Variants in SETD2 observed in about 807,000 individuals in gnomAD.
SETD2 encodes the protein SET domain containing 2, histone lysine methyltransferase, also known as histone-lysine N-methyltransferase SETD2.
SETD2 carries 31 observed loss-of-function variants against 242.1 expected under a neutral mutation model. The observed-to-expected ratio is 0.13, with a 90% confidence interval of 0.10 to 0.17. The LOEUF (loss-of-function observed/expected upper bound fraction) is 0.17, where lower values mean the gene tolerates loss of function less well. SETD2 is among the 10% of genes least tolerant of loss of function. SETD2 has a pLI of 1.00. For missense variants in SETD2, 2,481 were observed against 3,046.3 expected, an observed-to-expected ratio of 0.81 and a Z score of 4.37; for synonymous variants, 1,006 against 1,066.5, an observed-to-expected ratio of 0.94 and a Z score of 1.11.
At chr3:47,157,803 G>A (rs544360829) in intron 1 of SETD2, among the ~76,000 whole-genome samples, 7 of 151,696 alleles carry the variant, frequency 4.6e-5, no homozygotes, top group African/African-American at 1.7e-4. Context: ...AACCCAGGGG[G>A]CAGAGGTTGT....
Position 47,040,569 on chromosome 3 carries a change from A to ATTTTTTTTTT in SETD2, c.7238+1982_7238+1991dup, listed in dbSNP as rs34309892. Among the ~76,000 whole-genome samples, 82 of 91,716 alleles carry ATTTTTTTTTT rather than the reference A, an allele frequency of 8.9e-4. 3 individuals carry two copies. The highest frequency in any genetic ancestry group is 2.7e-3 in the African/African-American group (62 of 22,840). The allele number at this position is 91,716 out of a possible 152,430, so 60.2% of individuals were successfully genotyped here. ...AAAATAGATGACATGAGGGAAAAGG[A>ATTTTTTTTTT]TTTTTTTTTTTTTTTTTTTTTTGGA... On this transcript the variant is annotated intron_variant, in intron 17 of 20. Coordinates refer to ENST00000409792, the MANE Select transcript of SETD2 (RefSeq NM_014159.7).
intron 17 of SETD2, among the ~76,000 whole-genome samples, chr3:47,038,725 C>A (rs897745769): frequency 6.6e-6 from 1 of 152,066 alleles, no homozygotes; most frequent in African/African-American, 2.4e-5. Flanking sequence ...TGTTTACAGT[C>A]ATTTTGAAAA....
At chr3:47,129,037 T>C (rs1279629508) in intron 1 of SETD2, among the ~76,000 whole-genome samples, 1 of 152,116 alleles carries the variant, frequency 6.6e-6, no homozygotes, top group African/African-American at 2.4e-5. Context: ...ATGAAAAGAA[T>C]AATCCTGACA....
intron 12 of SETD2, among the ~76,000 whole-genome samples, chr3:47,078,188 T>C (rs899218630): frequency 3.9e-5 from 6 of 152,156 alleles, no homozygotes; most frequent in Non-Finnish European, 8.8e-5. Context: ...TTTTTAATTA[T>C]AAAGGGAAAA....
intron 15 of SETD2, among the ~76,000 whole-genome samples, chr3:47,052,518 T>G (rs1559667799): frequency 6.6e-6 from 1 of 152,062 alleles, no homozygotes; most frequent in African/African-American, 2.4e-5. Flanking sequence ...TCAAATGACT[T>G]AAAATTACAC....
In SETD2 at chr3:47,017,475, G is replaced by A. The variant is rs2038030819; in HGVS notation, c.7533+163C>T. On this transcript the variant is annotated intron_variant, in intron 20 of 20. Coordinates refer to ENST00000409792, the MANE Select transcript of SETD2 (RefSeq NM_014159.7). The surrounding 1 kb of genome is among the most constrained non-coding windows in gnomAD (Gnocchi z 4.8). ...TTAGAGAACTACTGCTGTCATGTAA[G>A]GTACGCATCCCTCCCCAAACCTTCC... 6.6e-6 allele frequency among the ~76,000 whole-genome samples: 1 copy of A among 152,004 alleles called. No individual in the cohort carries two copies. Among genetic ancestry groups the A allele is most frequent in the African/African-American group, 2.4e-5 (1 of 41,386 alleles).
At chr3:47,044,648 AAAC>A (rs554038464) in intron 16 of SETD2, among the ~76,000 whole-genome samples, 70 of 152,252 alleles carry the variant, frequency 4.6e-4, no homozygotes, top group African/African-American at 1.3e-3. Context: ...CTTTATCCAA[AAAC>A]AACAACACTT....
intron 18 of SETD2, among the ~76,000 whole-genome samples, chr3:47,036,574 A>C (rs761685844): frequency 5.9e-5 from 9 of 151,908 alleles, no homozygotes; most frequent in Non-Finnish European, 1.2e-4. Flanking sequence ...GAACAGACCA[A>C]TCACGAAAGC....
rs1036217503 is a variant in SETD2, at chr3:47,121,236, G to A, written c.3400C>T (p.His1134Tyr). 6.2e-7 allele frequency: 1 copy of A among 1,613,988 alleles called. No homozygotes were observed. Among genetic ancestry groups the A allele is most frequent in the Non-Finnish European group, 8.5e-7 (1 of 1,179,964 alleles). Residue 1134 changes from histidine (H) to tyrosine (Y), a missense_variant, in exon 3 of 21, where the codon CAT becomes TAT. By Grantham distance (83) the His-to-Tyr change is moderately conservative. This residue lies in a region of SETD2 where 1,300 missense variants were observed against 1,259.2 expected (regional missense o/e 1.03). Coordinates refer to ENST00000409792, the MANE Select transcript of SETD2 (RefSeq NM_014159.7). ...ACPQTDKFFLHKGTEKNPEIS... is the reference protein window; with the variant it reads ...ACPQTDKFFLYKGTEKNPEIS... The stretch of plus-strand genomic sequence containing the variant: ...TCCGGATTCTTCTCTGTTCCTTTAT[G>A]AAGGAAAAACTTATCAGTTTGAGGA...
intron 3 of SETD2, chr3:47,119,563 T>G (rs984216220): frequency 7.2e-5 from 17 of 237,370 alleles, no homozygotes; most frequent in African/African-American, 3.7e-4. Context: ...TCACACAAGA[T>G]CTGATGGGTT....
intron 17 of SETD2, among the ~76,000 whole-genome samples, chr3:47,041,810 A>T (rs2039294146): frequency 6.6e-6 from 1 of 152,198 alleles, no homozygotes; most frequent in African/African-American, 2.4e-5. Context: ...TTCTACAGTA[A>T]GCATAAATAA....
At chr3:47,127,382 C>T (rs933240658) in intron 1 of SETD2, among the ~76,000 whole-genome samples, 4 of 150,588 alleles carry the variant, frequency 2.7e-5, no homozygotes, top group Admixed American at 1.3e-4. Flanking sequence ...AGAGACGATT[C>T]GTTTTTGAAG....
intron 18 of SETD2, among the ~76,000 whole-genome samples, chr3:47,032,479 G>A (rs1206519374): frequency 6.6e-6 from 1 of 150,406 alleles, no homozygotes; most frequent in East Asian, 2.0e-4. Context: ...GTGAACCATG[G>A]CTCAAAAAAA....
At chr3:47,112,816 C>T (rs762026367) in intron 5 of SETD2, among the ~76,000 whole-genome samples, 8 of 152,172 alleles carry the variant, frequency 5.3e-5, no homozygotes, top group Non-Finnish European at 8.8e-5. Context: ...TCTCGAACTC[C>T]CGACTTCAGG....
intron 19 of SETD2, 90 bp downstream of exon 19, chr3:47,019,670 A>G (rs2038131795): frequency 9.0e-7 from 1 of 1,113,510 alleles, no homozygotes; most frequent in Non-Finnish European, 1.4e-6. Context: ...ATCTTGGGGC[A>G]AAGGAGATAT....
intron 8 of SETD2, among the ~76,000 whole-genome samples, chr3:47,100,782 G>A (rs1282507950): frequency 2.0e-5 from 3 of 151,612 alleles, no homozygotes; most frequent in Admixed American, 6.6e-5. Flanking sequence ...AGGCAGAGGC[G>A]GGCGGATCAC....
upstream of SETD2, chr3:47,164,738 G>C (rs1290078921): frequency 6.6e-6 from 1 of 152,346 alleles, no homozygotes; most frequent in African/African-American, 2.4e-5. This position sits in a 1 kb window ranked among gnomAD's most constrained non-coding sequence, Gnocchi z 5.4. Context: ...GGGATTGCTC[G>C]GAGGCCGAGC....
intron 1 of SETD2, among the ~76,000 whole-genome samples, chr3:47,147,880 T>C (rs973505285): frequency 2.6e-4 from 34 of 130,766 alleles, no homozygotes; most frequent in African/African-American, 9.2e-4. Flanking sequence ...CAAACACCAC[T>C]GCACGCCAGC....
intron 18 of SETD2, among the ~76,000 whole-genome samples, chr3:47,031,356 CAG>C (rs1024081109): frequency 5.3e-4 from 80 of 152,252 alleles, no homozygotes; most frequent in African/African-American, 1.7e-3. Flanking sequence ...TGTGTAGTGA[CAG>C]GGGGTATATG....
Sources: gnomAD v4.1 joint callset for allele counts (sites outside exome capture counted in the v4.1 genomes callset) on GRCh38, gnomAD v4.1.1 for gene constraint, gnomAD v4.1.1 regional missense constraint, Gnocchi (gnomAD v3.1) non-coding constraint, MANE v1.5 for transcripts, NCBI Gene and HGNC (gene_info 2026-07-23, HGNC 2026-07-21) for gene names.